GLG1: variants seen among roughly 807,000 people sequenced by gnomAD.
GLG1 encodes Golgi apparatus protein 1.
Under a neutral mutation model 160.5 loss-of-function variants are expected in GLG1, and 38 were observed. That is an observed-to-expected ratio of 0.24 (90% CI 0.18 to 0.31). GLG1 has a LOEUF of 0.31. Among genes scored for constraint, GLG1 ranks in the 10% least tolerant of loss-of-function variants. GLG1 has a pLI of 1.00. For synonymous variants in GLG1, 644 were observed against 543.4 expected, an observed-to-expected ratio of 1.19 and a Z score of -2.57; for missense variants, 1,373 against 1,505.2, an observed-to-expected ratio of 0.91 and a Z score of 1.45.
At chr16:74,502,057 T>C (rs1330735263) in intron 4 of GLG1, among the ~76,000 whole-genome samples, 1 of 152,164 alleles carries the variant, frequency 6.6e-6, no homozygotes, top group Non-Finnish European at 1.5e-5. Context: ...AGTTCCAGGA[T>C]CCTAACACCA....
chr16:74,478,121 T>C (rs1007221808), intron 11 of GLG1, among the ~76,000 whole-genome samples: 7 of 152,152 alleles, frequency 4.6e-5, no homozygotes, highest in African/African-American at 1.7e-4. Context: ...GACAGTATCC[T>C]GATAAAAGTG....
chr16:74,478,013 T>TAAATAAATAAAAA (rs548461001), intron 11 of GLG1, among the ~76,000 whole-genome samples: 1 of 150,406 alleles, frequency 6.6e-6, no homozygotes, highest in East Asian at 2.0e-4. Context: ...AATAAATAAA[T>TAAATAAATAAAAA]AAAATGTGCA....
chr16:74,566,753 C>T (rs1051035387), intron 1 of GLG1, among the ~76,000 whole-genome samples: 3 of 152,072 alleles, frequency 2.0e-5, no homozygotes, highest in Admixed American at 2.0e-4. Flanking sequence ...ATTCCCAACC[C>T]TAGAACTCAG....
Position 74,539,563 on chromosome 16 carries a change from A to G in GLG1, c.439-7410T>C, listed in dbSNP as rs1029899284. Among the ~76,000 whole-genome samples, 219 of 150,728 alleles carry G rather than the reference A, an allele frequency of 1.5e-3. 3 individuals carry two copies. Among genetic ancestry groups the G allele is most frequent in the Non-Finnish European group, 6.4e-4 (43 of 67,648 alleles). ...AATGACTCAGAGAGCATACTTACAC[A>G]TAGGTATAAATATACTGACAGGACT... On this transcript the variant is annotated intron_variant, in intron 1 of 25. Coordinates refer to ENST00000422840, the MANE Select transcript of GLG1 (RefSeq NM_001145667.2).
intron 7 of GLG1, among the ~76,000 whole-genome samples, chr16:74,491,608 T>G (rs2015988192): frequency 1.3e-5 from 2 of 152,056 alleles, no homozygotes; most frequent in South Asian, 4.2e-4. Context: ...CCCCAACTTC[T>G]TTGAGCTGTA....
rs139342056 is a variant in GLG1, at chr16:74,518,084, G to A, written c.472-9159C>T. Among the ~76,000 whole-genome samples, 767 of 152,170 alleles carry A rather than the reference G, an allele frequency of 5.0e-3. 8 individuals are homozygous for A. The highest frequency in any genetic ancestry group is 0.017 in the African/African-American group (718 of 41,506). ...ACAAATGCAAAAACATTCCATGCTC[G>A]TGGATAGAAGAATCAATATCGTGAA... On this transcript the variant is annotated intron_variant, in intron 2 of 25. Coordinates refer to ENST00000422840, the MANE Select transcript of GLG1 (RefSeq NM_001145667.2).
chr16:74,600,753 A>AAC (rs1356657145), intron 1 of GLG1, among the ~76,000 whole-genome samples: 4 of 138,062 alleles, frequency 2.9e-5, no homozygotes, highest in South Asian at 2.4e-4. Context: ...AAAAAAAAAA[A>AAC]ACAAAAAAAA....
At chr16:74,572,896 T>G (rs2018876163) in intron 1 of GLG1, among the ~76,000 whole-genome samples, 2 of 152,170 alleles carry the variant, frequency 1.3e-5, no homozygotes, top group African/African-American at 4.8e-5. Flanking sequence ...ACGGGCTGTC[T>G]TATGGGAATG....
intron 1 of GLG1, among the ~76,000 whole-genome samples, chr16:74,570,920 G>A (rs2018806783): frequency 6.6e-6 from 1 of 151,686 alleles, no homozygotes; most frequent in Non-Finnish European, 1.5e-5. Context: ...AAAAACAGAT[G>A]GATTATAATT....
chr16:74,603,794 G>A (rs916711151), intron 1 of GLG1, among the ~76,000 whole-genome samples: 4 of 152,030 alleles, frequency 2.6e-5, no homozygotes, highest in South Asian at 4.1e-4. Context: ...GAACAGCCCA[G>A]GGAATATTTT....
At chr16:74,465,875 G>T in intron 18 of GLG1, 62 bp from the exon 19 acceptor site, 3 of 1,421,596 alleles carry the variant, frequency 2.1e-6, no homozygotes, top group Non-Finnish European at 2.0e-6. Context: ...CATGTGTTCT[G>T]ATTGAAACAT....
chr16:74,522,050 T>A (rs1407990358), intron 2 of GLG1, among the ~76,000 whole-genome samples: 1 of 152,236 alleles, frequency 6.6e-6, no homozygotes, highest in Non-Finnish European at 1.5e-5. Flanking sequence ...TCACAGCCCA[T>A]CTAAAATTTA....
chr16:74,452,336 C>G lies in GLG1; in HGVS notation c.*831G>C. The G allele has an allele frequency of 1.4e-6, 2 of 1,388,110 alleles. No individual in the cohort carries two copies. The highest frequency in any genetic ancestry group is 9.3e-7 in the Non-Finnish European group (1 of 1,069,720). 86.0% of individuals were successfully genotyped at this position (1,388,110 alleles called of 1,614,324 possible). On this transcript the variant is annotated 3_prime_UTR_variant, in exon 26 of 26. Coordinates refer to ENST00000422840, the MANE Select transcript of GLG1 (RefSeq NM_001145667.2). ...CTGGAGGAGGAAGGTTCCTGGGATCCTGCTGCCCCGGGACTCAGGATCCAG... is the reference window on the plus strand; with the variant it reads ...CTGGAGGAGGAAGGTTCCTGGGATCGTGCTGCCCCGGGACTCAGGATCCAG...
intron 16 of GLG1, chr16:74,469,354 A>G: frequency 2.3e-6 from 1 of 430,212 alleles, no homozygotes; most frequent in Non-Finnish European, 4.3e-6. Flanking sequence ...AAAACATGTG[A>G]CCACAGAGGA....
intron 16 of GLG1, chr16:74,469,525 C>G (rs1041507035): frequency 2.2e-5 from 4 of 184,854 alleles, no homozygotes; most frequent in African/African-American, 9.3e-5. Context: ...GACAGTCACG[C>G]TGAAAAAGCT....
intron 4 of GLG1, among the ~76,000 whole-genome samples, chr16:74,502,223 C>T (rs932139003): frequency 6.6e-5 from 10 of 152,222 alleles, no homozygotes; most frequent in African/African-American, 2.4e-4. Flanking sequence ...CCCTCTCCCA[C>T]TGGCATCCAT....
chr16:74,494,270 G>T (rs963105742), intron 6 of GLG1, among the ~76,000 whole-genome samples: 3 of 151,946 alleles, frequency 2.0e-5, no homozygotes, highest in Non-Finnish European at 4.4e-5. Flanking sequence ...CACAATCAGG[G>T]TTTCATTTTC....
chr16:74,458,154 A>G lies in GLG1; in HGVS notation c.3145-160T>C. On this transcript the variant is annotated intron_variant, in intron 23 of 25. Transcript: ENST00000422840. The stretch of plus-strand genomic sequence containing the variant: ...TTGCAAGGTGGTGATGATGTACAGA[A>G]TGCAGAATTTAATTGAGTAACTAAC... 12 of 592,504 alleles carry G rather than the reference A, an allele frequency of 2.0e-5. No individual in the cohort carries two copies. The South Asian group carries it at 2.7e-4, about 13-fold the overall frequency. The allele number at this position is 592,504 out of a possible 1,614,324, so 36.7% of individuals were successfully genotyped here.
intron 2 of GLG1, among the ~76,000 whole-genome samples, chr16:74,509,974 A>T (rs1424501378): frequency 6.6e-6 from 1 of 151,730 alleles, no homozygotes; most frequent in Non-Finnish European, 1.5e-5. Context: ...AGTGCGAGCC[A>T]GCATGCCCAG....
Sources: allele counts gnomAD v4.1 joint callset (sites outside exome capture counted in the v4.1 genomes callset), GRCh38; gene constraint gnomAD v4.1.1; transcripts MANE v1.5; gene names NCBI Gene and HGNC (gene_info 2026-07-23, HGNC 2026-07-21).